SPIDR: variants seen among roughly 807,000 people sequenced by gnomAD.
SPIDR encodes the protein scaffold protein involved in DNA repair, also known as DNA repair-scaffolding protein.
In SPIDR, 93 loss-of-function variants were observed where a neutral mutation model predicts 104.6. The observed-to-expected ratio is 0.89, with a 90% CI of 0.75 to 1.06. The LOEUF is 1.06. SPIDR is among the 50% of genes least tolerant of loss of function. SPIDR has a pLI of 0.00. For missense variants in SPIDR, 1,154 were observed against 1,111.2 expected, an observed-to-expected ratio of 1.04 and a Z score of -0.55; for synonymous variants, 431 against 416.9, an observed-to-expected ratio of 1.03 and a Z score of -0.41.
chr8:47,499,382 T>G (rs1289205660), intron 8 of SPIDR, among the ~76,000 whole-genome samples: 2 of 152,142 alleles, frequency 1.3e-5, no homozygotes, highest in Non-Finnish European at 2.9e-5. Context: ...GGGTTTCCTC[T>G]AAAATATAGT....
intron 8 of SPIDR, among the ~76,000 whole-genome samples, chr8:47,486,097 A>C (rs2077572130): frequency 6.6e-6 from 1 of 152,172 alleles, no homozygotes; most frequent in African/African-American, 2.4e-5. Context: ...AGCAGCTAAA[A>C]ACCTTGAAAA....
At chr8:47,363,500 T>A (rs79159504) in intron 5 of SPIDR, among the ~76,000 whole-genome samples, 13,935 of 139,650 alleles carry the variant, frequency 0.1, 685 homozygotes, top group Middle Eastern at 0.16. Flanking sequence ...CAACCTTTTT[T>A]AAAAAAAAAA....
At chr8:47,561,638 A>G (rs1238151551) in intron 8 of SPIDR, among the ~76,000 whole-genome samples, 2 of 152,070 alleles carry the variant, frequency 1.3e-5, no homozygotes, top group Non-Finnish European at 2.9e-5. Context: ...CTGACTTGCT[A>G]GTCTAGCTGC....
intron 8 of SPIDR, among the ~76,000 whole-genome samples, chr8:47,460,518 T>C (rs1056174856): frequency 6.6e-6 from 1 of 152,196 alleles, no homozygotes; most frequent in Non-Finnish European, 1.5e-5. Flanking sequence ...GTGGGCTGTC[T>C]TTTTACACCC....
At chr8:47,404,449 C>T (rs2062414546) in intron 6 of SPIDR, among the ~76,000 whole-genome samples, 1 of 152,172 alleles carries the variant, frequency 6.6e-6, no homozygotes, top group African/African-American at 2.4e-5. Flanking sequence ...GCAGTCTACC[C>T]ATCTGACAAA....
At chr8:47,503,166 A>C (rs2080834097) in intron 8 of SPIDR, among the ~76,000 whole-genome samples, 1 of 152,174 alleles carries the variant, frequency 6.6e-6, no homozygotes, top group Non-Finnish European at 1.5e-5. Context: ...CTTGGTGCAG[A>C]ACTGAGTTCA....
intron 6 of SPIDR, among the ~76,000 whole-genome samples, chr8:47,404,313 C>G (rs1207114192): frequency 6.6e-6 from 1 of 152,166 alleles, no homozygotes; most frequent in Non-Finnish European, 1.5e-5. Context: ...GTCTAAAACA[C>G]CAAAAGCAAT....
At chr8:47,345,348 C>G (rs1450251838) in intron 5 of SPIDR, among the ~76,000 whole-genome samples, 4 of 152,312 alleles carry the variant, frequency 2.6e-5, no homozygotes, top group East Asian at 3.9e-4. Context: ...CAGTACCATG[C>G]TGTTTTGGTT....
At chr8:47,505,102 C>G (rs146640170) in intron 8 of SPIDR, among the ~76,000 whole-genome samples, 137 of 152,350 alleles carry the variant, frequency 9.0e-4, no homozygotes, top group African/African-American at 3.2e-3. Context: ...AGGAGGCAGT[C>G]TGTCCATTCT....
At chr8:47,606,335 C>T (rs1374280495) in intron 10 of SPIDR, among the ~76,000 whole-genome samples, 3 of 151,028 alleles carry the variant, frequency 2.0e-5, no homozygotes, top group Admixed American at 1.3e-4. Context: ...CTGGCTAACA[C>T]GATGAAACCC....
At chr8:47,456,472 C>T (rs782462502) in intron 8 of SPIDR, among the ~76,000 whole-genome samples, 1 of 152,072 alleles carries the variant, frequency 6.6e-6, no homozygotes. Context: ...TTCAAATTAC[C>T]GAATATCTTT....
At chr8:47,273,428 G>A (rs1196202373) in intron 1 of SPIDR, among the ~76,000 whole-genome samples, 2 of 152,052 alleles carry the variant, frequency 1.3e-5, no homozygotes, top group East Asian at 3.9e-4. Context: ...GCACATGAAC[G>A]GCCAGATGAA....
Position 47,407,976 on chromosome 8 carries a change from G to A in SPIDR, c.877+15G>A. 6.9e-7 allele frequency: 1 copy of A among 1,444,392 alleles called. No individual in the cohort carries two copies. The highest frequency in any genetic ancestry group is 9.5e-7 in the Non-Finnish European group (1 of 1,052,006). The allele number at this position is 1,444,392 out of a possible 1,614,324, so 89.5% of individuals were successfully genotyped here. A position where few individuals can be genotyped will look rare whatever the true frequency, so the allele number is the denominator to read the frequency against. Reference sequence around the variant, plus strand: ...GACACTTTCAGGTAAGGCTTGTGCAGGAATCTGAGACAATGTGTAAAAAAA... The same window carrying A: ...GACACTTTCAGGTAAGGCTTGTGCAAGAATCTGAGACAATGTGTAAAAAAA... On this transcript the variant is annotated intron_variant, in intron 7 of 19. Coordinates refer to ENST00000297423, the MANE Select transcript of SPIDR (RefSeq NM_001080394.4).
At chr8:47,590,115 A>G (rs1027766151) in intron 8 of SPIDR, among the ~76,000 whole-genome samples, 25 of 151,798 alleles carry the variant, frequency 1.6e-4, no homozygotes, top group Non-Finnish European at 2.6e-4. Context: ...CGGAGATTGC[A>G]GTGAACCGAG....
chr8:47,303,410 C>T (rs587758955), intron 5 of SPIDR, among the ~76,000 whole-genome samples: 13 of 152,166 alleles, frequency 8.5e-5, no homozygotes, highest in African/African-American at 2.7e-4. Context: ...GGTGATGCCT[C>T]GCCCTGCTTC....
intron 1 of SPIDR, chr8:47,279,302 C>T (rs1326624984): frequency 1.3e-5 from 2 of 152,928 alleles, no homozygotes; most frequent in Non-Finnish European, 2.9e-5. Flanking sequence ...TGGACCTTTT[C>T]TGTGTGTCTG....
At chr8:47,437,167 A>G (rs1007232494) in intron 7 of SPIDR, among the ~76,000 whole-genome samples, 1 of 151,904 alleles carries the variant, frequency 6.6e-6, no homozygotes, top group East Asian at 1.9e-4. Context: ...ATATGTATAC[A>G]TGTGCCATGC....
chr8:47,504,469 T>G (rs1318984411), intron 8 of SPIDR, among the ~76,000 whole-genome samples: 1 of 152,212 alleles, frequency 6.6e-6, no homozygotes, highest in Non-Finnish European at 1.5e-5. Context: ...TTCTCGTGCC[T>G]TGGTTTTCAG....
intron 10 of SPIDR, among the ~76,000 whole-genome samples, chr8:47,669,574 G>T (rs1349906982): frequency 6.6e-6 from 1 of 152,206 alleles, no homozygotes; most frequent in Non-Finnish European, 1.5e-5. Context: ...AAAGGAAAAC[G>T]TCAGGGCAAA....
Sources: gnomAD v4.1 joint callset for allele counts (sites outside exome capture counted in the v4.1 genomes callset) on GRCh38, gnomAD v4.1.1 for gene constraint, MANE v1.5 for transcripts, NCBI Gene and HGNC (gene_info 2026-07-23, HGNC 2026-07-21) for gene names.